SPIDR: variants seen among roughly 807,000 people sequenced by gnomAD.
The protein encoded by SPIDR is DNA repair-scaffolding protein.
Under a neutral mutation model 104.6 loss-of-function variants are expected in SPIDR, and 93 were observed. The observed-to-expected ratio is 0.89, with a 90% CI of 0.75 to 1.06. SPIDR has a LOEUF of 1.06. SPIDR is among the 50% of genes least tolerant of loss of function. The pLI, the probability that SPIDR is intolerant of heterozygous loss-of-function variation, is 0.00. For missense variants in SPIDR, 1,154 were observed against 1,111.2 expected, an observed-to-expected ratio of 1.04 and a Z score of -0.55; for synonymous variants, 431 against 416.9, an observed-to-expected ratio of 1.03 and a Z score of -0.41.
At chr8:47,405,405 TA>T (rs1299421426) in intron 6 of SPIDR, among the ~76,000 whole-genome samples, 3 of 152,004 alleles carry the variant, frequency 2.0e-5, no homozygotes, top group African/African-American at 7.3e-5. Context: ...TAAAGTATAA[TA>T]AAAATAAACC....
intron 8 of SPIDR, among the ~76,000 whole-genome samples, chr8:47,560,587 T>C (rs1161457292): frequency 2.0e-5 from 3 of 152,210 alleles, no homozygotes; most frequent in South Asian, 2.1e-4. Flanking sequence ...TGTGACTGCT[T>C]TTACATGTTC....
intron 9 of SPIDR, among the ~76,000 whole-genome samples, chr8:47,596,948 A>C (rs2154424145): frequency 6.6e-6 from 1 of 152,242 alleles, no homozygotes; most frequent in African/African-American, 2.4e-5. Context: ...CCACCTCCAC[A>C]TCTTGTCCCA....
intron 8 of SPIDR, among the ~76,000 whole-genome samples, chr8:47,579,189 A>G (rs1273176014): frequency 1.3e-5 from 2 of 152,246 alleles, no homozygotes; most frequent in East Asian, 1.9e-4. Context: ...TGTCAGAGTC[A>G]TATTTCATGC....
chr8:47,567,369 G>C (rs926753329), intron 8 of SPIDR, among the ~76,000 whole-genome samples: 1 of 151,684 alleles, frequency 6.6e-6, no homozygotes, highest in Non-Finnish European at 1.5e-5. Flanking sequence ...ACAGCCATGC[G>C]CCACCACGCC....
chr8:47,625,561 G>A (rs1338388420), intron 10 of SPIDR, among the ~76,000 whole-genome samples: 9 of 151,822 alleles, frequency 5.9e-5, no homozygotes, highest in Non-Finnish European at 1.3e-4. Context: ...AAATCAATGT[G>A]CAAAAATCAC....
intron 8 of SPIDR, among the ~76,000 whole-genome samples, chr8:47,496,470 C>A (rs946701306): frequency 6.6e-6 from 1 of 151,912 alleles, no homozygotes; most frequent in African/African-American, 2.4e-5. Flanking sequence ...CACTTTTTTT[C>A]TTTAGTGAGA....
At chr8:47,665,515 T>C (rs763930975) in intron 10 of SPIDR, among the ~76,000 whole-genome samples, 44 of 152,368 alleles carry the variant, frequency 2.9e-4, no homozygotes, top group Non-Finnish European at 2.5e-4. Context: ...CCCTAATTCT[T>C]ACATAAAATT....
chr8:47,617,131 A>G (rs191021398), intron 10 of SPIDR, among the ~76,000 whole-genome samples: 2 of 152,322 alleles, frequency 1.3e-5, no homozygotes, highest in Non-Finnish European at 2.9e-5. Context: ...GGTACATACT[A>G]TCAACATGAT....
At chr8:47,418,867 T>C (rs1247696638) in intron 7 of SPIDR, among the ~76,000 whole-genome samples, 1 of 152,216 alleles carries the variant, frequency 6.6e-6, no homozygotes, top group Admixed American at 6.5e-5. Flanking sequence ...CTACATCTAT[T>C]GAGATATTCA....
At chr8:47,598,825 T>C in intron 9 of SPIDR, 121 bp from the exon 10 acceptor site, 1 of 1,265,636 alleles carries the variant, frequency 7.9e-7, no homozygotes, top group African/African-American at 1.5e-5. Flanking sequence ...TTCAGTGTAG[T>C]GCAGATCCAT....
chr8:47,496,294 GA>G (rs1457803600), intron 8 of SPIDR, among the ~76,000 whole-genome samples: 1 of 152,080 alleles, frequency 6.6e-6, no homozygotes, highest in Non-Finnish European at 1.5e-5. Flanking sequence ...AGTGTTCAGG[GA>G]AAGCATTCAC....
intron 8 of SPIDR, among the ~76,000 whole-genome samples, chr8:47,454,004 T>C (rs1475217806): frequency 6.6e-6 from 1 of 152,076 alleles, no homozygotes; most frequent in Non-Finnish European, 1.5e-5. Context: ...TGTGGAGAAA[T>C]AGGAACACTT....
chr8:47,466,756 A>G (rs1008341760), intron 8 of SPIDR, among the ~76,000 whole-genome samples: 15 of 151,202 alleles, frequency 9.9e-5, no homozygotes, highest in Non-Finnish European at 1.2e-4. Context: ...TCACAACTAA[A>G]AGAACTAGAA....
rs559985475 is a variant in SPIDR, at chr8:47,558,885, G to T, written c.1098-36926G>T. On this transcript the variant is annotated intron_variant, in intron 8 of 19. Coordinates refer to ENST00000297423, the MANE Select transcript of SPIDR (RefSeq NM_001080394.4). ...GTCGATCTGACCTCGTGATCCACCC[G>T]CCCTTGGCCTCCCAAAGTGCTGAGA... Among the ~76,000 whole-genome samples the T allele has an allele frequency of 3.3e-5, 5 of 152,020 alleles. 1 individual carries two copies. In the South Asian group the frequency reaches 1.0e-3, roughly 32 times the overall value.
chr8:47,585,690 C>T (rs1301105837), intron 8 of SPIDR, among the ~76,000 whole-genome samples: 1 of 152,080 alleles, frequency 6.6e-6, no homozygotes, highest in Admixed American at 6.5e-5. Flanking sequence ...CTGGTGAGGG[C>T]CTTCTTGCTG....
intron 8 of SPIDR, among the ~76,000 whole-genome samples, chr8:47,564,666 C>T (rs1222627611): frequency 7.0e-6 from 1 of 141,898 alleles, no homozygotes; most frequent in Non-Finnish European, 1.5e-5. Flanking sequence ...GGCATCAGAG[C>T]AAGATTCCGT....
intron 8 of SPIDR, among the ~76,000 whole-genome samples, chr8:47,458,301 C>G (rs2073338710): frequency 6.7e-6 from 1 of 149,814 alleles, no homozygotes; most frequent in Non-Finnish European, 1.5e-5. Context: ...CCTTTTACCT[C>G]TTTGGTTAAG....
intron 8 of SPIDR, among the ~76,000 whole-genome samples, chr8:47,581,118 T>C (rs1012656140): frequency 3.0e-4 from 46 of 152,304 alleles, no homozygotes; most frequent in African/African-American, 1.1e-3. Flanking sequence ...ATTAACATGA[T>C]TAAGTCCATC....
intron 5 of SPIDR, among the ~76,000 whole-genome samples, chr8:47,381,159 T>G (rs1270060582): frequency 6.6e-6 from 1 of 152,206 alleles, no homozygotes; most frequent in Non-Finnish European, 1.5e-5. Flanking sequence ...ATAAAGACTT[T>G]GGGTCCCTCC....
Sources: gnomAD v4.1 joint callset for allele counts (sites outside exome capture counted in the v4.1 genomes callset) on GRCh38, gnomAD v4.1.1 for gene constraint, MANE v1.5 for transcripts, NCBI Gene and HGNC (gene_info 2026-07-23, HGNC 2026-07-21) for gene names.